Variants in RORC observed in about 807,000 individuals in gnomAD.
RORC encodes the protein RAR related orphan receptor C, also known as nuclear receptor ROR-gamma.
A neutral mutation model predicts 64.5 loss-of-function variants in RORC; 13 were observed. That is an observed-to-expected ratio of 0.20 (90% confidence interval 0.13 to 0.32). The LOEUF is 0.32. Ranked by LOEUF, RORC falls within the 10% of genes least tolerant of loss-of-function variation. The pLI is 1.00. For missense variants in RORC, 468 were observed against 669.5 expected (o/e 0.70, Z 3.32); for synonymous variants, 277 against 259.3 (o/e 1.07, Z -0.65).
Position 151,813,546 on chromosome 1 carries a change from C to A in RORC, c.1008G>T (p.Lys336Asn). ...EAIQYVVEFAKRLSGFMELCQ... is the reference protein window; with the variant it reads ...EAIQYVVEFANRLSGFMELCQ... ...AGAGCTCCATAAAGCCTGAGAGCCTCTTGGCGAACTCCACCACGTACTGAA... is the reference window on the plus strand; with the variant it reads ...AGAGCTCCATAAAGCCTGAGAGCCTATTGGCGAACTCCACCACGTACTGAA... Residue 336 changes from lysine to asparagine, a missense_variant, in exon 7 of 11, where the codon AAG becomes AAT. Transcript: ENST00000318247. 6.2e-7 allele frequency: 1 copy of A among 1,614,186 alleles called. No individual in the cohort carries two copies.
At chr1:151,811,170 A>G (rs1651508053) in intron 10 of RORC, among the ~76,000 whole-genome samples, 155 bp downstream of exon 10, 1 of 152,096 alleles carries the variant, frequency 6.6e-6, no homozygotes, top group African/African-American at 2.4e-5. Flanking sequence ...GTAGCTGTTC[A>G]TTCCCTTAGT....
At chr1:151,816,591 T>C (rs1651761407) in intron 4 of RORC, 73 bp downstream of exon 4, 1 of 1,460,906 alleles carries the variant, frequency 6.8e-7, no homozygotes, top group Non-Finnish European at 9.2e-7. Context: ...TTAAGCCTTG[T>C]CTAGCTCAGC....
chr1:151,817,331 A>G, intron 2 of RORC, 51 bp from the exon 3 acceptor site: 2 of 1,291,794 alleles, frequency 1.5e-6, no homozygotes, highest in Non-Finnish European at 2.3e-6. Context: ...TTCTGCATTC[A>G]ACCACCATGT....
rs2101653706 is a variant in RORC at position 151,811,349 on chromosome 1, A to G, written c.1371T>C (p.Thr457=). The change falls in exon 10 of 11, where the codon ACT becomes ACC. Residue 457 remains threonine (T), a synonymous_variant. Coordinates refer to ENST00000318247, the MANE Select transcript of RORC (RefSeq NM_005060.4). ...ELAFHHHLCK[T]HRQSILAKLP... is the part of the protein sequence containing the mutation. ...CCTTTGCCAGGATGCTTTGGCGATG[A>G]GTCTTGCAGAGATGATGATGAAAGG... The G allele has an allele frequency of 6.2e-7, 1 of 1,613,328 alleles. No homozygotes were observed. Among genetic ancestry groups the G allele is most frequent in the Middle Eastern group, 1.7e-4 (1 of 6,056 alleles).
chr1:151,826,762 C>T (rs1652210489), intron 2 of RORC, among the ~76,000 whole-genome samples: 1 of 152,164 alleles, frequency 6.6e-6, no homozygotes, highest in Non-Finnish European at 1.5e-5. Flanking sequence ...AATAATAGTG[C>T]TTACTATTAT....
chr1:151,813,950 A>G, intron 6 of RORC: 1 of 260,926 alleles, frequency 3.8e-6, no homozygotes. Flanking sequence ...GTTATGCCCA[A>G]GGTCTCAATA....
intron 2 of RORC, among the ~76,000 whole-genome samples, chr1:151,819,863 G>T (rs575594648): frequency 6.6e-5 from 10 of 152,126 alleles, no homozygotes; most frequent in African/African-American, 2.4e-4. Flanking sequence ...CCAGCCACCT[G>T]GTCAGCCCAT....
In RORC at chr1:151,813,023, G is replaced by A. The variant is rs1281277876; in HGVS notation, c.1209C>T (p.Phe403=). The A allele has an allele frequency of 3.7e-6, 6 of 1,614,074 alleles. No homozygotes were observed. The South Asian group carries it at 5.5e-5, about 15-fold the overall frequency. The change falls in exon 9 of 11, where the codon TTC becomes TTT. Residue 403 remains phenylalanine, a synonymous_variant. Transcript: ENST00000318247. ...AGTGCAAGGCACTTAGGGAGTGGGA[G>A]AAGTCAAAGATGGAGCTGATGAGCT... ...CSELISSIFD[F]SHSLSALHFS...
At position 151,807,746 on chromosome 1, in the gene RORC, T is replaced by C; in HGVS notation, c.1396-113A>G. ...AAACCCTCCTTGCCTTCCCCTTATGTACTTGGCACTTTGGCACCAGCCAAA... is the reference window on the plus strand; with the variant it reads ...AAACCCTCCTTGCCTTCCCCTTATGCACTTGGCACTTTGGCACCAGCCAAA... On this transcript the variant is annotated intron_variant, in intron 10 of 10. Coordinates refer to ENST00000318247, the MANE Select transcript of RORC (RefSeq NM_005060.4). This position sits in a 1 kb window ranked among gnomAD's most constrained non-coding sequence, Gnocchi z 5.0. 8.6e-7 allele frequency: 1 copy of C among 1,166,896 alleles called. No homozygotes were observed. The highest frequency in any genetic ancestry group is 2.4e-5 in the East Asian group (1 of 41,696). The allele number at this position is 1,166,896 out of a possible 1,614,324, so 72.3% of individuals were successfully genotyped here.
chr1:151,811,381 C>G lies in RORC; in HGVS notation c.1339G>C (p.Glu447Gln). The change falls in exon 10 of 11, where the codon GAG (glutamate) becomes CAG (glutamine). Residue 447 changes from glutamate to glutamine, a missense_variant. Coordinates refer to ENST00000318247, the MANE Select transcript of RORC (RefSeq NM_005060.4). ...CAGAGATGATGATGAAAGGCCAGCTCCAGATTGTACTGCAGCTGTTCTACT... is the reference window on the plus strand; with the variant it reads ...CAGAGATGATGATGAAAGGCCAGCTGCAGATTGTACTGCAGCTGTTCTACT... ...RKVEQLQYNL[E>Q]LAFHHHLCKT... 1.9e-6 allele frequency: 3 copies of G among 1,614,054 alleles called. No homozygotes were observed. Among genetic ancestry groups the G allele is most frequent in the Non-Finnish European group, 2.5e-6 (3 of 1,179,952 alleles).
chr1:151,821,917 C>T (rs1303194772), intron 2 of RORC, among the ~76,000 whole-genome samples: 2 of 152,128 alleles, frequency 1.3e-5, no homozygotes, highest in East Asian at 1.9e-4. Flanking sequence ...TCTGAGGTCC[C>T]AGCCTCCTCC....
intron 2 of RORC, 108 bp from the exon 3 acceptor site, chr1:151,817,388 A>G (rs998017738): frequency 2.7e-6 from 2 of 737,494 alleles, no homozygotes; most frequent in African/African-American, 1.7e-5. Context: ...TACTTCTCCA[A>G]CCAGCTCCAG....
rs569389528 is a variant in RORC, at chr1:151,828,595, T to C, written c.70+834A>G. On this transcript the variant is annotated intron_variant, in intron 2 of 10. Coordinates refer to ENST00000318247, the MANE Select transcript of RORC (RefSeq NM_005060.4). ...TCCTACAGAGATAAAGCTCTCCTGCTCTCTAGTCCTGCACAGGCTGGCTCC... is the reference window on the plus strand; with the variant it reads ...TCCTACAGAGATAAAGCTCTCCTGCCCTCTAGTCCTGCACAGGCTGGCTCC... Among the ~76,000 whole-genome samples, 4 of 152,262 alleles carry C rather than the reference T, an allele frequency of 2.6e-5. No individual in the cohort carries two copies. The East Asian group carries it at 7.7e-4, about 29-fold the overall frequency.
At chr1:151,816,361 C>G (rs975124011) in intron 4 of RORC, among the ~76,000 whole-genome samples, 3 of 152,198 alleles carry the variant, frequency 2.0e-5, no homozygotes, top group African/African-American at 7.2e-5. Flanking sequence ...TGCATGGGAG[C>G]TGGGCCAGAG....
intron 2 of RORC, among the ~76,000 whole-genome samples, chr1:151,824,879 T>C (rs542078628): frequency 2.0e-5 from 3 of 152,326 alleles, no homozygotes; most frequent in Admixed American, 1.3e-4. Flanking sequence ...TGCCTGGTCT[T>C]ACACTGTCAG....
At chr1:151,824,770 T>A (rs971410360) in intron 2 of RORC, among the ~76,000 whole-genome samples, 6 of 152,230 alleles carry the variant, frequency 3.9e-5, no homozygotes, top group African/African-American at 1.4e-4. Flanking sequence ...TGTTGTTCTA[T>A]CTTAAAATTC....
At chr1:151,826,042 C>T in intron 2 of RORC, 1 of 1,590,388 alleles carries the variant, frequency 6.3e-7, no homozygotes. Context: ...GCCCTCTCAG[C>T]AGCGCCTCAG....
At chr1:151,816,968 A>T (rs1261726796) in intron 3 of RORC, among the ~76,000 whole-genome samples, 163 bp from the exon 4 acceptor site, 2 of 151,978 alleles carry the variant, frequency 1.3e-5, no homozygotes, top group Non-Finnish European at 2.9e-5. Context: ...TCCTGTAGTC[A>T]TTTCCCCAGC....
chr1:151,829,042 T>C (rs1401383370), intron 2 of RORC, among the ~76,000 whole-genome samples: 1 of 151,048 alleles, frequency 6.6e-6, no homozygotes, highest in Non-Finnish European at 1.5e-5. Context: ...GCTGAGTTCC[T>C]GAGTTCCTGA....
Sources: gnomAD v4.1 joint callset for allele counts (sites outside exome capture counted in the v4.1 genomes callset) on GRCh38, gnomAD v4.1.1 for gene constraint, Gnocchi (gnomAD v3.1) non-coding constraint, MANE v1.5 for transcripts, NCBI Gene and HGNC (gene_info 2026-07-23, HGNC 2026-07-21) for gene names.